ADGRV1: variants seen among roughly 807,000 people sequenced by gnomAD.
The protein encoded by ADGRV1 is G-protein coupled receptor 98.
In ADGRV1, 359 loss-of-function variants were observed where a neutral mutation model predicts 596.2. That is an observed-to-expected ratio of 0.60 (90% CI 0.55 to 0.66). ADGRV1 has a LOEUF of 0.66. Among genes scored for constraint, ADGRV1 ranks in the 30% least tolerant of loss-of-function variants. ADGRV1 has a pLI of 0.00. For synonymous variants in ADGRV1, 2,681 were observed against 2,679.2 expected, an observed-to-expected ratio of 1.00 and a Z score of -0.02; for missense variants, 7,274 against 7,575.6, an observed-to-expected ratio of 0.96 and a Z score of 1.48.
chr5:90,798,665 A>G (rs1396462578), intron 70 of ADGRV1, among the ~76,000 whole-genome samples: 1 of 152,148 alleles, frequency 6.6e-6, no homozygotes, highest in Non-Finnish European at 1.5e-5. Context: ...AACATCGATG[A>G]GAAAATTGTC....
chr5:90,906,938 G>A (rs369600307), intron 83 of ADGRV1, among the ~76,000 whole-genome samples: 2 of 152,204 alleles, frequency 1.3e-5, no homozygotes, highest in East Asian at 1.9e-4. Context: ...ATATTCTGAA[G>A]CAATTTGGAG....
At chr5:91,154,753 T>C (rs1282483252) in intron 89 of ADGRV1, among the ~76,000 whole-genome samples, 1 of 152,212 alleles carries the variant, frequency 6.6e-6, no homozygotes, top group Non-Finnish European at 1.5e-5. Flanking sequence ...AGGCACCTTC[T>C]TCACAGGGTG....
intron 85 of ADGRV1, among the ~76,000 whole-genome samples, chr5:91,051,241 G>C (rs990931784): frequency 1.3e-5 from 2 of 152,086 alleles, no homozygotes; most frequent in African/African-American, 4.8e-5. Context: ...TATTATACAG[G>C]AAGTCCCTGA....
intron 59 of ADGRV1, among the ~76,000 whole-genome samples, chr5:90,768,863 G>T (rs536847678): frequency 4.3e-4 from 65 of 152,250 alleles, no homozygotes; most frequent in African/African-American, 1.5e-3. Context: ...TGCTCTTGAG[G>T]TCAACACCTG....
intron 85 of ADGRV1, among the ~76,000 whole-genome samples, chr5:91,051,414 G>A (rs1325655893): frequency 3.3e-5 from 5 of 151,932 alleles, no homozygotes; most frequent in East Asian, 1.9e-4. Context: ...TATTAAATAC[G>A]CTTGTGTTAG....
intron 81 of ADGRV1, among the ~76,000 whole-genome samples, chr5:90,855,026 T>C (rs1766891505): frequency 6.6e-6 from 1 of 152,174 alleles, no homozygotes; most frequent in Admixed American, 6.5e-5. Flanking sequence ...TAATGAATGT[T>C]TCAAGCTGCA....
chr5:90,848,717 C>T lies in ADGRV1; in HGVS notation c.17100C>T (p.Asn5700=), dbSNP rs1433695409. The T allele has an allele frequency of 6.3e-7, 1 of 1,588,418 alleles. No individual in the cohort carries two copies. Among genetic ancestry groups the T allele is most frequent in the African/African-American group, 1.4e-5 (1 of 73,626 alleles). The change falls in exon 79 of 90, where the codon AAC becomes AAT. Residue 5700 remains asparagine, a synonymous_variant. Coordinates refer to ENST00000405460, the MANE Select transcript of ADGRV1 (RefSeq NM_032119.4). ...ATGAGATTCTTTGTTCTCTTATTAA[C>T]CCAAAGCGCAAGGACACTAGGGGAT... is the stretch of plus-strand genomic sequence containing the variant. ...LFYEILCSLI[N]PKRKDTRGFS... is the part of the protein sequence containing the mutation.
intron 85 of ADGRV1, among the ~76,000 whole-genome samples, chr5:91,017,293 A>G (rs1319879591): frequency 2.6e-5 from 4 of 151,942 alleles, no homozygotes; most frequent in Non-Finnish European, 4.4e-5. Context: ...GAAAGATAAT[A>G]CAGCAAGTAC....
At chr5:90,763,518 A>T (rs1756746974) in intron 59 of ADGRV1, 49 bp downstream of exon 59, 1 of 1,545,620 alleles carries the variant, frequency 6.5e-7, no homozygotes, top group Admixed American at 1.7e-5. Flanking sequence ...TTTGTCTTTG[A>T]TTTTCTTTTT....
intron 83 of ADGRV1, chr5:90,931,250 G>A (rs1199943718): frequency 6.6e-6 from 1 of 152,258 alleles, no homozygotes; most frequent in Non-Finnish European, 1.5e-5. Flanking sequence ...AGTCATGGGG[G>A]ATGAGGCTGG....
At chr5:90,998,319 A>G (rs1467716259) in intron 85 of ADGRV1, among the ~76,000 whole-genome samples, 1 of 152,136 alleles carries the variant, frequency 6.6e-6, no homozygotes, top group Non-Finnish European at 1.5e-5. Flanking sequence ...CTTAAAAAGT[A>G]AGCATTATTT....
chr5:90,824,644 A>G (rs981566250), intron 76 of ADGRV1, among the ~76,000 whole-genome samples: 6 of 152,248 alleles, frequency 3.9e-5, no homozygotes, highest in Admixed American at 6.5e-5. Context: ...ACATTTGATC[A>G]TATAGTATGT....
At chr5:90,754,936 A>G in intron 54 of ADGRV1, 47 bp from the exon 55 acceptor site, 2 of 1,336,636 alleles carry the variant, frequency 1.5e-6, no homozygotes, top group South Asian at 1.2e-5. Context: ...AACAGCATTG[A>G]CAGCAAATAG....
intron 50 of ADGRV1, 22 bp from the exon 51 acceptor site, chr5:90,745,024 G>T: frequency 6.3e-7 from 1 of 1,584,432 alleles, no homozygotes. Flanking sequence ...CACTCAAGTT[G>T]TTTTTTCTTT....
chr5:91,024,798 C>T (rs1783893675), intron 85 of ADGRV1, among the ~76,000 whole-genome samples: 2 of 152,068 alleles, frequency 1.3e-5, no homozygotes, highest in South Asian at 4.2e-4. Context: ...AAATTTCTTG[C>T]CAGGCTAAGT....
intron 1 of ADGRV1, among the ~76,000 whole-genome samples, chr5:90,567,760 A>C (rs1450132914): frequency 6.7e-6 from 1 of 149,912 alleles, no homozygotes; most frequent in African/African-American, 2.5e-5. Flanking sequence ...TTTTGACAGA[A>C]TCTTGGTCTG....
Position 90,721,045 on chromosome 5 carries a change from C to T in ADGRV1, c.9734C>T (p.Thr3245Ile), listed in dbSNP as rs557780591. The change falls in exon 45 of 90, where the codon ACA (threonine) becomes ATA (isoleucine). Residue 3245 changes from threonine (T) to isoleucine (I), a missense_variant. By Grantham distance (89) the Thr-to-Ile change is moderately conservative. Around this residue, in one of 5 missense-constraint regions of ADGRV1, gnomAD observed 3,643 missense variants for 3,809.2 expected, o/e 0.96. Coordinates refer to ENST00000405460, the MANE Select transcript of ADGRV1 (RefSeq NM_032119.4). ...GTGCAGTGGGAGACAGTATCTGAAA[C>T]AGCCTTTGGCATGAGTATGTTTCAT... Reference protein sequence around the residue: ...VSVQWETVSETAFGMRGMDVV... With the variant: ...VSVQWETVSEIAFGMRGMDVV... 3.1e-6 allele frequency: 5 copies of T among 1,611,508 alleles called. No homozygotes were observed. The highest frequency in any genetic ancestry group is 4.5e-5 in the East Asian group (2 of 44,730).
At chr5:90,776,075 T>C (rs1482850203) in intron 60 of ADGRV1, among the ~76,000 whole-genome samples, 3 of 152,188 alleles carry the variant, frequency 2.0e-5, no homozygotes, top group Admixed American at 1.3e-4. Flanking sequence ...CAAGAAATCT[T>C]GCTTTTGCCA....
At position 91,054,098 on chromosome 5, in the gene ADGRV1, T is replaced by TGAGAGA. The variant is rs1285420454; in HGVS notation, c.18153-18348_18153-18347insAGAGAG. On this transcript the variant is annotated intron_variant, in intron 85 of 89. Transcript: ENST00000405460. ...GTGTGTGTGTGTGTGTGTGTGTGTG[T>TGAGAGA]GTGTGAGAGAGAGAGAGAGAGAGAG... Among the ~76,000 whole-genome samples the TGAGAGA allele has an allele frequency of 4.2e-3, 529 of 124,484 alleles. 1 individual carries two copies. The highest frequency in any genetic ancestry group is 9.4e-3 in the South Asian group (36 of 3,822). 81.7% of individuals were successfully genotyped at this position (124,484 alleles called of 152,430 possible). A position where few individuals can be genotyped will look rare whatever the true frequency, so the allele number is the denominator to read the frequency against.
Sources: allele counts gnomAD v4.1 joint callset (sites outside exome capture counted in the v4.1 genomes callset), GRCh38; gene constraint gnomAD v4.1.1; regional missense constraint gnomAD v4.1.1; transcripts MANE v1.5; gene names NCBI Gene and HGNC (gene_info 2026-07-23, HGNC 2026-07-21).